ABCB5: variants seen among roughly 807,000 people sequenced by gnomAD.
ABCB5 encodes ATP-binding cassette sub-family B member 5.
A neutral mutation model predicts 144.2 loss-of-function variants in ABCB5; 155 were observed. That is an observed-to-expected ratio of 1.08 (90% CI 0.94 to 1.23). ABCB5 has a LOEUF of 1.23. Among genes scored for constraint, ABCB5 ranks in the 50% most tolerant of loss-of-function variants. The pLI, the probability that ABCB5 is intolerant of heterozygous loss-of-function variation, is 0.00. For missense variants in ABCB5, 1,830 were observed against 1,520.8 expected, an observed-to-expected ratio of 1.20 and a Z score of -3.38; for synonymous variants, 610 against 528.6, an observed-to-expected ratio of 1.15 and a Z score of -2.11.
At chr7:20,671,657 T>C (rs1785462858) in intron 14 of ABCB5, among the ~76,000 whole-genome samples, 1 of 152,370 alleles carries the variant, frequency 6.6e-6, no homozygotes, top group African/African-American at 2.4e-5. Flanking sequence ...ATAGTTTGTT[T>C]CTTTTTATTG....
Position 20,728,465 on chromosome 7 carries a change from G to A in ABCB5, c.2867+10G>A. ...CAGAGGGCATGTTCATGTAAGTCGT[G>A]GAAATAGTCCGGACCTGGTAGCTCA... On this transcript the variant is annotated intron_variant, in intron 23 of 27. Transcript: ENST00000404938. 1 of 1,613,558 alleles carries A rather than the reference G, an allele frequency of 6.2e-7. No individual in the cohort carries two copies. The highest frequency in any genetic ancestry group is 8.5e-7 in the Non-Finnish European group (1 of 1,179,684).
At chr7:20,689,108 A>G (rs984817385) in intron 16 of ABCB5, among the ~76,000 whole-genome samples, 1 of 152,130 alleles carries the variant, frequency 6.6e-6, no homozygotes, top group African/African-American at 2.4e-5. Flanking sequence ...CTAGAACTTA[A>G]AGTATAATAA....
intron 20 of ABCB5, among the ~76,000 whole-genome samples, chr7:20,712,082 T>C (rs1404632854): frequency 8.3e-6 from 1 of 120,724 alleles, no homozygotes; most frequent in African/African-American, 3.2e-5. Context: ...TACTAAAAAA[T>C]ACAAAAACAT....
intron 16 of ABCB5, among the ~76,000 whole-genome samples, chr7:20,694,008 A>C (rs1397628848): frequency 6.6e-6 from 1 of 151,340 alleles, no homozygotes; most frequent in Non-Finnish European, 1.5e-5. Flanking sequence ...ATCTGTGGTT[A>C]AATTCTTTTT....
chr7:20,711,846 T>TTCC (rs1787071153), intron 20 of ABCB5, among the ~76,000 whole-genome samples: 2 of 7,336 alleles, frequency 2.7e-4, no homozygotes, highest in South Asian at 5.2e-3. Flanking sequence ...CTTTCTTTCT[T>TTCC]TTCTTTCTTT....
In ABCB5 at chr7:20,634,332, T is replaced by C. The variant is rs114811152; in HGVS notation, c.314+2219T>C. Among the ~76,000 whole-genome samples the C allele has an allele frequency of 3.9e-3, 586 of 152,116 alleles. 3 individuals are homozygous for C. Among genetic ancestry groups the C allele is most frequent in the African/African-American group, 0.014 (565 of 41,512 alleles). On this transcript the variant is annotated intron_variant, in intron 5 of 27. Transcript: ENST00000404938. ...ACTTAGGTTGAGTCCATATCTTTGCTATTGTGAATAGGGCTACAATAAACA... is the reference window on the plus strand; with the variant it reads ...ACTTAGGTTGAGTCCATATCTTTGCCATTGTGAATAGGGCTACAATAAACA...
chr7:20,640,369 AC>A (rs1202688518), intron 5 of ABCB5, among the ~76,000 whole-genome samples: 1 of 152,100 alleles, frequency 6.6e-6, no homozygotes, highest in Non-Finnish European at 1.5e-5. Context: ...TTTTAAAGAC[AC>A]CTTATTTAAT....
At chr7:20,721,123 A>C (rs1322646416) in intron 20 of ABCB5, among the ~76,000 whole-genome samples, 1 of 152,158 alleles carries the variant, frequency 6.6e-6, no homozygotes. Context: ...ATAGTTATGT[A>C]GTTTCCTGAT....
At chr7:20,686,054 G>GA (rs1438570866) in intron 16 of ABCB5, among the ~76,000 whole-genome samples, 8 of 151,126 alleles carry the variant, frequency 5.3e-5, no homozygotes, top group Admixed American at 1.3e-4. Context: ...CTTTATTGGG[G>GA]AAAAAAAAAT....
chr7:20,700,161 TA>T (rs758791167), intron 19 of ABCB5, 26 bp downstream of exon 19: 4 of 1,368,340 alleles, frequency 2.9e-6, no homozygotes, highest in Admixed American at 4.2e-5. Flanking sequence ...ATTTTTTTTT[TA>T]TTTTATTTAA....
Position 20,755,703 on chromosome 7 carries a change from T to A in ABCB5, c.*79T>A. The A allele has an allele frequency of 7.7e-7, 1 of 1,307,072 alleles. No individual in the cohort carries two copies. The highest frequency in any genetic ancestry group is 1.8e-5 in the Admixed American group (1 of 54,236). 81.0% of individuals were successfully genotyped at this position (1,307,072 alleles called of 1,614,324 possible). On this transcript the variant is annotated 3_prime_UTR_variant, in exon 28 of 28. Coordinates refer to ENST00000404938, the MANE Select transcript of ABCB5 (RefSeq NM_001163941.2). Reference sequence around the variant, plus strand: ...TTAATAATTACTTGGCAAGCTTTGATCTCTTTTATTGCATATATCAATACC... The same window carrying A: ...TTAATAATTACTTGGCAAGCTTTGAACTCTTTTATTGCATATATCAATACC...
intron 14 of ABCB5, among the ~76,000 whole-genome samples, chr7:20,662,344 T>G (rs1489454762): frequency 6.6e-6 from 1 of 152,220 alleles, no homozygotes; most frequent in African/African-American, 2.4e-5. Flanking sequence ...CCTCTTATGT[T>G]GTATTTATAC....
chr7:20,662,077 C>T (rs1785021386), intron 14 of ABCB5, among the ~76,000 whole-genome samples: 1 of 152,160 alleles, frequency 6.6e-6, no homozygotes, highest in Non-Finnish European at 1.5e-5. Context: ...GAAACCCACA[C>T]TGATTCTGTG....
At position 20,643,192 on chromosome 7, in the gene ABCB5, T is replaced by A. The variant is rs1784329973; in HGVS notation, c.323T>A (p.Leu108Gln). 1 of 1,609,244 alleles carries A rather than the reference T, an allele frequency of 6.2e-7. No homozygotes were observed. Among genetic ancestry groups the A allele is most frequent in the Non-Finnish European group, 8.5e-7 (1 of 1,176,638 alleles). The part of the protein sequence containing the change: ...KLNEDMTLLT[L>Q]YYVGIGVAAL... ...TAATACTCTTTCTTCAGGTTGACCCTGTATTATGTTGGAATAGGTGTTGCT... is the reference window on the plus strand; with the variant it reads ...TAATACTCTTTCTTCAGGTTGACCCAGTATTATGTTGGAATAGGTGTTGCT... Residue 108 changes from leucine to glutamine, a missense_variant, in exon 6 of 28, where the codon CTG (leucine) becomes CAG (glutamine). By Grantham distance (113) the Leu-to-Gln change is moderately radical. Transcript: ENST00000404938.
intron 18 of ABCB5, 55 bp from the exon 19 acceptor site, chr7:20,700,003 T>A (rs1293646761): frequency 1.3e-5 from 21 of 1,600,674 alleles, no homozygotes; most frequent in Middle Eastern, 1.7e-4. Context: ...TAAAAATATA[T>A]CAACTAAATG....
chr7:20,717,436 TC>T (rs1422395510), intron 20 of ABCB5, among the ~76,000 whole-genome samples: 3 of 137,332 alleles, frequency 2.2e-5, no homozygotes, highest in African/African-American at 9.3e-5. Flanking sequence ...CCAGATTTCC[TC>T]TTTTTTTTTT....
chr7:20,640,064 C>A (rs1784261108), intron 5 of ABCB5, among the ~76,000 whole-genome samples: 1 of 151,996 alleles, frequency 6.6e-6, no homozygotes, highest in Non-Finnish European at 1.5e-5. Flanking sequence ...ATTCATCTTA[C>A]ATTTATTTTA....
At chr7:20,699,693 C>G in intron 17 of ABCB5, 132 bp from the exon 18 acceptor site, 1 of 584,506 alleles carries the variant, frequency 1.7e-6, no homozygotes, top group Non-Finnish European at 2.9e-6. Context: ...GGCGACAGAG[C>G]AAGATTCTGT....
chr7:20,688,274 T>C (rs942335830), intron 16 of ABCB5, among the ~76,000 whole-genome samples: 5 of 152,120 alleles, frequency 3.3e-5, no homozygotes, highest in African/African-American at 1.2e-4. Context: ...TGGAGCAGTA[T>C]TTTAGAACAG....
Sources: gnomAD v4.1 joint callset for allele counts (sites outside exome capture counted in the v4.1 genomes callset) on GRCh38, gnomAD v4.1.1 for gene constraint, MANE v1.5 for transcripts, NCBI Gene and HGNC (gene_info 2026-07-23, HGNC 2026-07-21) for gene names.